Variants in AFG2A observed in about 807,000 individuals in gnomAD.
AFG2A encodes the protein AAA ATPase AFG2A.
the AFG2A span, among the ~76,000 whole-genome samples, chr4:123,114,941 G>A: frequency 2.0e-5 from 3 of 152,202 alleles, no homozygotes; most frequent in Non-Finnish European, 4.4e-5. Context: ...ACATGGTGGG[G>A]CGCGAGGTTG....
chr4:123,289,978 A>G, the AFG2A span, among the ~76,000 whole-genome samples: 1 of 152,086 alleles, frequency 6.6e-6, no homozygotes, highest in Non-Finnish European at 1.5e-5. Context: ...TAAACCCAGT[A>G]TGCATTCACT....
the AFG2A span, among the ~76,000 whole-genome samples, chr4:123,079,654 C>T: frequency 6.6e-6 from 1 of 151,360 alleles, no homozygotes; most frequent in Non-Finnish European, 1.5e-5. Context: ...TATAACCTTC[C>T]TATTGATAAA....
chr4:122,968,890 A>G, the AFG2A span, among the ~76,000 whole-genome samples: 1 of 152,004 alleles, frequency 6.6e-6, no homozygotes, highest in Non-Finnish European at 1.5e-5. Context: ...TACTTTTTAT[A>G]TTTGAATTGA....
the AFG2A span, chr4:123,056,240 A>G: frequency 3.4e-4 from 234 of 687,566 alleles, no homozygotes; most frequent in African/African-American, 3.9e-3. Context: ...GGCACAAATA[A>G]CAAACAGAGA....
At chr4:123,128,076 C>T in the AFG2A span, among the ~76,000 whole-genome samples, 1 of 152,046 alleles carries the variant, frequency 6.6e-6, no homozygotes, top group African/African-American at 2.4e-5. Context: ...ACTGACATAC[C>T]AGACAAGTAT....
chr4:123,057,810 T>C, the AFG2A span, among the ~76,000 whole-genome samples: 10 of 151,600 alleles, frequency 6.6e-5, no homozygotes, highest in South Asian at 2.1e-4. Context: ...AACAAATATA[T>C]ACACACACAC....
the AFG2A span, among the ~76,000 whole-genome samples, chr4:122,947,076 A>ATAAAAGTAATTGATAGGTAATGAAAGCG: frequency 7.2e-4 from 110 of 152,312 alleles, no homozygotes; most frequent in Non-Finnish European, 1.3e-3. Flanking sequence ...TGTATTACTA[A>ATAAAAGTAATTGATAGGTAATGAAAGCG]TAAAAGTAAT....
At chr4:122,938,297 C>A in the AFG2A span, 1 of 1,423,742 alleles carries the variant, frequency 7.0e-7, no homozygotes. Context: ...ATTCTTAATA[C>A]TTATGTGTAG....
the AFG2A span, among the ~76,000 whole-genome samples, chr4:123,005,265 C>G: frequency 6.6e-6 from 1 of 152,146 alleles, no homozygotes; most frequent in African/African-American, 2.4e-5. Flanking sequence ...ATTTTCATGC[C>G]TCAGCCACTT....
chr4:123,137,023 C>T, the AFG2A span, among the ~76,000 whole-genome samples: 1 of 152,222 alleles, frequency 6.6e-6, no homozygotes, highest in South Asian at 2.1e-4. Context: ...CACTTCAGAT[C>T]AGGCATTAGA....
At chr4:123,150,121 A>T in the AFG2A span, among the ~76,000 whole-genome samples, 4,383 of 152,272 alleles carry the variant, frequency 0.029, 85 homozygotes, top group Non-Finnish European at 0.036. Context: ...GATGGAACAT[A>T]TCTCAAAATA....
chr4:122,940,459 G>A, the AFG2A span, among the ~76,000 whole-genome samples: 3 of 152,172 alleles, frequency 2.0e-5, no homozygotes, highest in South Asian at 6.2e-4. Flanking sequence ...CATATCCTTT[G>A]CCCACTTTTT....
At chr4:123,157,060 G>T in the AFG2A span, among the ~76,000 whole-genome samples, 1 of 151,596 alleles carries the variant, frequency 6.6e-6, no homozygotes, top group African/African-American at 2.4e-5. Flanking sequence ...CTGTTGCTCA[G>T]GCTGGAGTGC....
At chr4:123,303,741 A>G in the AFG2A span, among the ~76,000 whole-genome samples, 1 of 152,072 alleles carries the variant, frequency 6.6e-6, no homozygotes, top group East Asian at 1.9e-4. Context: ...AGCCTAGGTG[A>G]CAGAGAGCAA....
chr4:123,007,639 C>CA, the AFG2A span, among the ~76,000 whole-genome samples: 55 of 24,086 alleles, frequency 2.3e-3, no homozygotes, highest in East Asian at 0.032. Context: ...TACACACACA[C>CA]ACAACACACA....
chr4:122,977,610 C>G, the AFG2A span, among the ~76,000 whole-genome samples: 1 of 152,258 alleles, frequency 6.6e-6, no homozygotes, highest in Non-Finnish European at 1.5e-5. Context: ...AGCTCCTCTT[C>G]TTCTCATTGC....
the AFG2A span, among the ~76,000 whole-genome samples, chr4:123,057,901 T>G: frequency 6.2e-4 from 94 of 152,172 alleles, no homozygotes; most frequent in Non-Finnish European, 1.2e-3. Context: ...GTTCTACAAG[T>G]GGTTCATGTT....
the AFG2A span, among the ~76,000 whole-genome samples, chr4:123,127,235 T>G: frequency 6.6e-6 from 1 of 152,172 alleles, no homozygotes; most frequent in Non-Finnish European, 1.5e-5. Flanking sequence ...ACACAGAAGC[T>G]AAATATTTAA....
the AFG2A span, among the ~76,000 whole-genome samples, chr4:123,074,896 G>A: frequency 6.6e-6 from 1 of 152,134 alleles, no homozygotes; most frequent in Non-Finnish European, 1.5e-5. Flanking sequence ...AGATGTCTAT[G>A]CTTTTGTTGA....
Sources: gnomAD v4.1 joint callset for allele counts (sites outside exome capture counted in the v4.1 genomes callset) on GRCh38, gnomAD v4.1.1 for gene constraint, MANE v1.5 for transcripts, NCBI Gene and HGNC (gene_info 2026-07-23, HGNC 2026-07-21) for gene names.